SYT1: variants seen among roughly 807,000 people sequenced by gnomAD.
The protein encoded by SYT1 is synaptotagmin 1.
Under a neutral mutation model 44.8 loss-of-function variants are expected in SYT1, and 8 were observed. That is an observed-to-expected ratio of 0.18 (90% CI 0.10 to 0.32). SYT1 has a LOEUF of 0.32. Ranked by LOEUF, SYT1 falls within the 10% of genes least tolerant of loss-of-function variation. SYT1 has a pLI of 1.00. For missense variants in SYT1, 286 were observed against 509.3 expected (o/e 0.56, Z 4.22); for synonymous variants, 154 against 188.8 (o/e 0.82, Z 1.51).
rs201627336 is a variant in SYT1, at chr12:79,191,089, A to G, written c.-17-26414A>G. 1.5e-3 allele frequency among the ~76,000 whole-genome samples: 143 copies of G among 97,666 alleles called. 3 individuals are homozygous for G. Among genetic ancestry groups the G allele is most frequent in the East Asian group, 3.3e-3 (15 of 4,484 alleles). The allele number at this position is 97,666 out of a possible 152,430, so 64.1% of individuals were successfully genotyped here. ...TGGCTAGTAATTTGTACTGAAAAAA[A>G]CATAAATATAAATATATATATATGT... On this transcript the variant is annotated intron_variant, in intron 3 of 10. Coordinates refer to ENST00000261205, the MANE Select transcript of SYT1 (RefSeq NM_005639.3).
At chr12:79,370,056 A>G (rs1404241602) in intron 9 of SYT1, among the ~76,000 whole-genome samples, 1 of 152,226 alleles carries the variant, frequency 6.6e-6, no homozygotes, top group Non-Finnish European at 1.5e-5. Flanking sequence ...TCTTAAATGT[A>G]AAACAACTGT....
chr12:78,949,291 T>C, intron 1 of SYT1, among the ~76,000 whole-genome samples: 1 of 151,844 alleles, frequency 6.6e-6, no homozygotes, highest in East Asian at 1.9e-4. Context: ...TTGATAAATA[T>C]ATTGCATGAA....
chr12:79,011,801 C>A (rs1871423794), intron 2 of SYT1, among the ~76,000 whole-genome samples: 1 of 151,816 alleles, frequency 6.6e-6, no homozygotes, highest in Non-Finnish European at 1.5e-5. Context: ...GGAAACTTTG[C>A]CTAAAATATA....
At chr12:79,058,570 G>A (rs749061179) in intron 3 of SYT1, among the ~76,000 whole-genome samples, 7 of 152,014 alleles carry the variant, frequency 4.6e-5, no homozygotes, top group Non-Finnish European at 1.0e-4. Flanking sequence ...AGTACAGCTG[G>A]TATGGGGAAA....
intron 8 of SYT1, among the ~76,000 whole-genome samples, chr12:79,323,597 G>A (rs911621913): frequency 1.3e-5 from 2 of 152,074 alleles, no homozygotes; most frequent in Non-Finnish European, 2.9e-5. Flanking sequence ...AACAAACTGA[G>A]CCTTTAGCTG....
chr12:78,882,301 C>T (rs1056334089), intron 1 of SYT1, among the ~76,000 whole-genome samples: 1 of 151,582 alleles, frequency 6.6e-6, no homozygotes, highest in African/African-American at 2.4e-5. Flanking sequence ...ATATTGTAGT[C>T]TGGTATATTT....
At chr12:79,198,978 C>T (rs1352390965) in intron 3 of SYT1, among the ~76,000 whole-genome samples, 1 of 152,158 alleles carries the variant, frequency 6.6e-6, no homozygotes, top group Non-Finnish European at 1.5e-5. Context: ...TTTGGAATGA[C>T]AAACCTTCTG....
intron 10 of SYT1, among the ~76,000 whole-genome samples, chr12:79,445,455 A>G (rs1480239256): frequency 6.6e-6 from 1 of 151,748 alleles, no homozygotes; most frequent in Non-Finnish European, 1.5e-5. Flanking sequence ...ATCTCTCCCT[A>G]CCTTCCCCTT....
chr12:79,241,664 AAAATGTATCTGCATTAAGAAATTAG>A (rs1335751707), intron 4 of SYT1, among the ~76,000 whole-genome samples: 1 of 152,244 alleles, frequency 6.6e-6, no homozygotes, highest in Non-Finnish European at 1.5e-5. Context: ...AAACAGAAAA[AAAATGTATCTGCATTAAGAAATTAG>A]AAATGTATTT....
At chr12:79,100,118 G>C (rs963355662) in intron 3 of SYT1, among the ~76,000 whole-genome samples, 1 of 151,928 alleles carries the variant, frequency 6.6e-6, no homozygotes, top group Non-Finnish European at 1.5e-5. Context: ...TAATAATAAC[G>C]AACATTTGGA....
intron 9 of SYT1, among the ~76,000 whole-genome samples, chr12:79,424,953 C>CCT (rs757261645): frequency 1.2e-5 from 1 of 85,252 alleles, no homozygotes; most frequent in African/African-American, 4.6e-5. Flanking sequence ...TTTTCTTCTT[C>CCT]TTTTTTTTTT....
At chr12:79,060,636 G>A (rs1381606549) in intron 3 of SYT1, among the ~76,000 whole-genome samples, 1 of 152,022 alleles carries the variant, frequency 6.6e-6, no homozygotes, top group Non-Finnish European at 1.5e-5. Context: ...ATTGTAGCAT[G>A]TGTCAAAATT....
chr12:79,303,905 C>T (rs188289417), intron 8 of SYT1, among the ~76,000 whole-genome samples: 66 of 152,238 alleles, frequency 4.3e-4, no homozygotes, highest in Middle Eastern at 3.4e-3. Flanking sequence ...AATCAGACGG[C>T]AACTATGCTC....
At chr12:79,320,458 T>C (rs759371010) in intron 8 of SYT1, among the ~76,000 whole-genome samples, 1 of 152,110 alleles carries the variant, frequency 6.6e-6, no homozygotes, top group Non-Finnish European at 1.5e-5. Flanking sequence ...TTTTGACCAA[T>C]TTTACATATA....
At chr12:79,357,345 T>C (rs954636323) in intron 9 of SYT1, among the ~76,000 whole-genome samples, 3 of 152,200 alleles carry the variant, frequency 2.0e-5, no homozygotes, top group African/African-American at 7.2e-5. Context: ...TTTCTGAATT[T>C]AACTGCAGTC....
intron 1 of SYT1, among the ~76,000 whole-genome samples, chr12:78,915,103 CAG>C (rs10534531): frequency 0.76 from 115,832 of 151,722 alleles, 44,775 homozygotes; most frequent in African/African-American, 0.87. Flanking sequence ...GTGATGTCAT[CAG>C]AGAGATGCTT....
intron 9 of SYT1, among the ~76,000 whole-genome samples, chr12:79,371,045 A>G (rs1167462566): frequency 2.0e-5 from 3 of 152,172 alleles, no homozygotes; most frequent in African/African-American, 7.2e-5. Flanking sequence ...AATAATAATT[A>G]TAGTTATAAT....
chr12:79,426,638 C>A (rs1174690321), intron 9 of SYT1, among the ~76,000 whole-genome samples: 1 of 152,136 alleles, frequency 6.6e-6, no homozygotes, highest in African/African-American at 2.4e-5. Flanking sequence ...ACCTGCAGAA[C>A]TGCTCACTCC....
intron 2 of SYT1, among the ~76,000 whole-genome samples, chr12:79,043,668 TATG>T (rs1873767597): frequency 6.6e-6 from 1 of 152,108 alleles, no homozygotes; most frequent in Admixed American, 6.5e-5. Context: ...ATCCTGTCAT[TATG>T]ATGTTAGCTG....
Sources: allele counts gnomAD v4.1 joint callset (sites outside exome capture counted in the v4.1 genomes callset), GRCh38; gene constraint gnomAD v4.1.1; transcripts MANE v1.5; gene names NCBI Gene and HGNC (gene_info 2026-07-23, HGNC 2026-07-21).